Variants in AGBL1 observed in about 807,000 individuals in gnomAD.
AGBL1 encodes cytosolic carboxypeptidase 4.
In AGBL1, 130 loss-of-function variants were observed where a neutral mutation model predicts 118.9. The observed-to-expected ratio is 1.09, with a 90% CI of 0.95 to 1.26. The LOEUF is 1.26. Among genes scored for constraint, AGBL1 ranks in the 50% most tolerant of loss-of-function variants. The pLI is 0.00. For missense variants in AGBL1, 1,584 were observed against 1,298.1 expected (o/e 1.22, Z -3.38); for synonymous variants, 555 against 478.9 (o/e 1.16, Z -2.08).
At chr15:86,901,112 A>C (rs28505480) in intron 22 of AGBL1, among the ~76,000 whole-genome samples, 15,140 of 152,164 alleles carry the variant, frequency 0.099, 1,105 homozygotes, top group African/African-American at 0.21. Context: ...GAATTCTTTA[A>C]ATAGTCCAGA....
At chr15:86,086,283 T>C (rs1417800350) in intron 1 of AGBL1, 2 of 152,100 alleles carry the variant, frequency 1.3e-5, no homozygotes, top group Non-Finnish European at 2.9e-5. Flanking sequence ...CAGCTATGAA[T>C]CAAACAGACT....
chr15:86,795,415 T>C (rs1175171922), intron 22 of AGBL1, among the ~76,000 whole-genome samples: 1 of 151,962 alleles, frequency 6.6e-6, no homozygotes, highest in Non-Finnish European at 1.5e-5. Flanking sequence ...TTGGGAGCAT[T>C]CCCTGAGGGT....
chr15:86,360,889 A>G (rs1218130494), intron 17 of AGBL1, among the ~76,000 whole-genome samples: 1 of 151,916 alleles, frequency 6.6e-6, no homozygotes, highest in African/African-American at 2.4e-5. Context: ...TAAGCTATCT[A>G]AAGGTTTATG....
chr15:86,143,679 T>G lies in AGBL1; in HGVS notation c.116-20T>G, dbSNP rs776303294. The G allele has an allele frequency of 1.2e-6, 2 of 1,611,688 alleles. No individual in the cohort carries two copies. Among genetic ancestry groups the G allele is most frequent in the Non-Finnish European group, 8.5e-7 (1 of 1,178,618 alleles). On this transcript the variant is annotated intron_variant, in intron 2 of 22. Transcript: ENST00000614907. ...GGGGATTATTACTTGTGGCTCATCT[T>G]TCCTCCGGTTTCCCCTCAGGCACAG...
At chr15:86,214,786 G>A (rs755534144) in intron 5 of AGBL1, among the ~76,000 whole-genome samples, 7 of 152,182 alleles carry the variant, frequency 4.6e-5, no homozygotes, top group Non-Finnish European at 8.8e-5. Context: ...CAGGCAGAAT[G>A]GGGCCCTCCC....
intron 17 of AGBL1, among the ~76,000 whole-genome samples, chr15:86,354,601 C>T (rs780875472): frequency 2.0e-5 from 3 of 152,182 alleles, no homozygotes; most frequent in Non-Finnish European, 2.9e-5. Context: ...TCTGCATAAT[C>T]AGCCAATAGT....
chr15:86,508,005 C>CT (rs397853754), intron 18 of AGBL1, among the ~76,000 whole-genome samples: 6,467 of 126,550 alleles, frequency 0.051, 210 homozygotes, highest in East Asian at 0.088. Context: ...AGTGATTTGC[C>CT]TTTTTTTTTT....
At chr15:86,149,638 G>A (rs1280905598) in intron 3 of AGBL1, among the ~76,000 whole-genome samples, 1 of 152,152 alleles carries the variant, frequency 6.6e-6, no homozygotes, top group East Asian at 1.9e-4. Flanking sequence ...CAAGTCCTTA[G>A]AGACCTACAA....
chr15:86,524,941 G>C (rs1027157852), intron 19 of AGBL1, among the ~76,000 whole-genome samples: 1 of 152,072 alleles, frequency 6.6e-6, no homozygotes, highest in African/African-American at 2.4e-5. Context: ...CATCCAAATT[G>C]GAAAAGAGGA....
intron 22 of AGBL1, among the ~76,000 whole-genome samples, chr15:86,880,023 AG>A (rs1439539888): frequency 2.6e-5 from 4 of 152,204 alleles, no homozygotes; most frequent in African/African-American, 9.6e-5. Flanking sequence ...CCTTGGCCTG[AG>A]ACTAGTGGAG....
chr15:86,155,804 A>G (rs1368847367), intron 4 of AGBL1, among the ~76,000 whole-genome samples: 1 of 152,190 alleles, frequency 6.6e-6, no homozygotes, highest in African/African-American at 2.4e-5. Flanking sequence ...CCTTTACAAA[A>G]TTACAGTAGT....
intron 18 of AGBL1, among the ~76,000 whole-genome samples, chr15:86,503,925 T>C (rs1052243880): frequency 6.6e-6 from 1 of 151,656 alleles, no homozygotes; most frequent in Non-Finnish European, 1.5e-5. Flanking sequence ...GTTCTATAGA[T>C]GTCTGTTAAT....
chr15:86,733,496 T>C (rs1004118780), intron 22 of AGBL1, among the ~76,000 whole-genome samples: 10 of 152,184 alleles, frequency 6.6e-5, no homozygotes, highest in African/African-American at 1.4e-4. Flanking sequence ...AGTTGACACA[T>C]AAAATTAACT....
At chr15:87,001,209 A>G (rs2081433571) in intron 24 of AGBL1, among the ~76,000 whole-genome samples, 1 of 150,126 alleles carries the variant, frequency 6.7e-6, no homozygotes, top group Non-Finnish European at 1.5e-5. Context: ...TCCTAATTGA[A>G]TACCCTTTAT....
At chr15:86,262,168 A>T (rs759200402) in intron 9 of AGBL1, among the ~76,000 whole-genome samples, 1 of 140,944 alleles carries the variant, frequency 7.1e-6, no homozygotes, top group Non-Finnish European at 1.5e-5. Flanking sequence ...ACAGCCTCCC[A>T]TTCCCCAGTC....
chr15:86,146,679 CCA>C (rs1314720867), intron 3 of AGBL1, among the ~76,000 whole-genome samples: 4 of 152,308 alleles, frequency 2.6e-5, no homozygotes, highest in Admixed American at 2.6e-4. Flanking sequence ...GATTACATCA[CCA>C]CAGTTTCTGC....
chr15:86,474,667 A>G (rs942841883), intron 18 of AGBL1, among the ~76,000 whole-genome samples: 1 of 152,084 alleles, frequency 6.6e-6, no homozygotes, highest in Admixed American at 6.5e-5. Flanking sequence ...TAGCCAAACA[A>G]AAGGCAGCAG....
intron 6 of AGBL1, among the ~76,000 whole-genome samples, chr15:86,239,095 T>C (rs150806640): frequency 6.6e-6 from 1 of 152,332 alleles, no homozygotes; most frequent in African/African-American, 2.4e-5. Flanking sequence ...TTGGGACTAG[T>C]TCTGTGGCAA....
intron 1 of AGBL1, among the ~76,000 whole-genome samples, chr15:86,141,622 G>A (rs1255606422): frequency 2.0e-5 from 3 of 152,120 alleles, no homozygotes; most frequent in Non-Finnish European, 4.4e-5. Flanking sequence ...CTGCACCCCC[G>A]CCTGGGCAAC....
Sources: allele counts gnomAD v4.1 joint callset (sites outside exome capture counted in the v4.1 genomes callset), GRCh38; gene constraint gnomAD v4.1.1; transcripts MANE v1.5; gene names NCBI Gene and HGNC (gene_info 2026-07-23, HGNC 2026-07-21).